SPINK5: variants seen among roughly 807,000 people sequenced by gnomAD.
SPINK5 encodes the protein serine protease inhibitor Kazal-type 5.
In SPINK5, 125 loss-of-function variants were observed where a neutral mutation model predicts 151.8. The observed-to-expected ratio is 0.82, with a 90% CI of 0.71 to 0.96. The LOEUF is 0.96. SPINK5 is among the 40% of genes least tolerant of loss of function. SPINK5 has a pLI of 0.00. For synonymous variants in SPINK5, 374 were observed against 395.3 expected, an observed-to-expected ratio of 0.95 and a Z score of 0.64; for missense variants, 1,194 against 1,291.9, an observed-to-expected ratio of 0.92 and a Z score of 1.16.
At chr5:148,099,458 A>G (rs1753573266) in intron 12 of SPINK5, 143 bp downstream of exon 12, 3 of 675,220 alleles carry the variant, frequency 4.4e-6, no homozygotes, top group Non-Finnish European at 7.7e-6. Context: ...GATGAATTAT[A>G]TGGGAAGATT....
intron 23 of SPINK5, 58 bp downstream of exon 23, chr5:148,118,622 T>C: frequency 4.4e-6 from 7 of 1,599,224 alleles, no homozygotes; most frequent in Non-Finnish European, 5.1e-6. Context: ...CTTGAATGAA[T>C]GGCTATTTCT....
intron 2 of SPINK5, among the ~76,000 whole-genome samples, chr5:148,068,234 TTAGAGA>T (rs1262041571): frequency 6.6e-6 from 1 of 151,938 alleles, no homozygotes; most frequent in Non-Finnish European, 1.5e-5. Flanking sequence ...TATAATAATC[TTAGAGA>T]TATTTAAGCA....
At chr5:148,066,986 G>A (rs761454837) in intron 2 of SPINK5, among the ~76,000 whole-genome samples, 4 of 152,046 alleles carry the variant, frequency 2.6e-5, no homozygotes, top group East Asian at 1.9e-4. Flanking sequence ...TCTTTTTTAC[G>A]ATGCTGTGAT....
chr5:148,096,908 G>A (rs1486767679), intron 10 of SPINK5, among the ~76,000 whole-genome samples: 1 of 151,478 alleles, frequency 6.6e-6, no homozygotes, highest in Non-Finnish European at 1.5e-5. Flanking sequence ...ACAGGCATGA[G>A]CCACTACACA....
rs3214448 is a variant in SPINK5, at chr5:148,099,501, CAAAA to C, written c.1092+201_1092+204del. Among the ~76,000 whole-genome samples, 1,480 of 141,682 alleles carry C rather than the reference CAAAA, an allele frequency of 0.01. 32 individuals are homozygous for C. The highest frequency in any genetic ancestry group is 0.035 in the African/African-American group (1,389 of 39,540). 92.9% of individuals were successfully genotyped at this position (141,682 alleles called of 152,430 possible). ...TCTTGCTGATTAAAAACTAACTCTG[CAAAA>C]AAAAAAAAAAAAAATTGTTTAAAAG... On this transcript the variant is annotated intron_variant, in intron 12 of 32. Transcript: ENST00000256084.
At chr5:148,124,647 G>A in intron 27 of SPINK5, 118 bp from the exon 28 acceptor site, 1 of 658,092 alleles carries the variant, frequency 1.5e-6, no homozygotes, top group Non-Finnish European at 2.3e-6. Context: ...TTTTTTTTAG[G>A]TATAAGAAAA....
chr5:148,128,377 C>T (rs1361784030), intron 30 of SPINK5, among the ~76,000 whole-genome samples: 1 of 152,122 alleles, frequency 6.6e-6, no homozygotes, highest in Non-Finnish European at 1.5e-5. Context: ...CATTCTCCCT[C>T]ATAAGCTACA....
In SPINK5 at chr5:148,101,767, C is replaced by T; in HGVS notation, c.1303-14C>T. On this transcript the variant is annotated splice_polypyrimidine_tract_variant and intron_variant, in intron 14 of 32. Coordinates refer to ENST00000256084, the MANE Select transcript of SPINK5 (RefSeq NM_006846.4). ...TATGTTCAACACTTTCAACTTCCTG[C>T]CTCAATTTCACAGGAGTTGTGTAGT... 1 of 1,613,612 alleles carries T rather than the reference C, an allele frequency of 6.2e-7. No homozygotes were observed. Among genetic ancestry groups the T allele is most frequent in the Non-Finnish European group, 8.5e-7 (1 of 1,179,650 alleles).
At position 148,120,019 on chromosome 5, in the gene SPINK5, A is replaced by T. The variant is rs1440428494; in HGVS notation, c.2324A>T (p.Asp775Val). Residue 775 changes from aspartate to valine, a missense_variant, in exon 25 of 33, where the codon GAT (aspartate) becomes GTT (valine). Transcript: ENST00000256084. ...TGSESGKDTC[D>V]EFRSQMKNGK... ...TTCCCATCTTTTCAGGATACATGTG[A>T]TGAGTTTAGAAGCCAAATGAAAAAT... 6.2e-7 allele frequency: 1 copy of T among 1,613,984 alleles called. No individual in the cohort carries two copies. The highest frequency in any genetic ancestry group is 1.1e-5 in the South Asian group (1 of 91,074).
chr5:148,123,521 G>GTGTGTATATATATATA (rs1328976077), intron 26 of SPINK5, among the ~76,000 whole-genome samples: 2 of 25,016 alleles, frequency 8.0e-5, no homozygotes, highest in African/African-American at 1.6e-4. Flanking sequence ...CAATATATGT[G>GTGTGTATATATATATA]TATATATATA....
intron 18 of SPINK5, among the ~76,000 whole-genome samples, chr5:148,110,218 T>C (rs933884570): frequency 3.3e-5 from 5 of 152,206 alleles, no homozygotes; most frequent in African/African-American, 9.6e-5. Flanking sequence ...AACAGCACAG[T>C]GTCACACATA....
At chr5:148,071,544 A>AAT (rs1752737896) in intron 3 of SPINK5, among the ~76,000 whole-genome samples, 1 of 152,134 alleles carries the variant, frequency 6.6e-6, no homozygotes, top group East Asian at 1.9e-4. Flanking sequence ...TGAAAGTATG[A>AAT]ATATAATAAA....
chr5:148,068,478 A>G (rs1752641113), intron 2 of SPINK5, among the ~76,000 whole-genome samples: 1 of 149,888 alleles, frequency 6.7e-6, no homozygotes, highest in Non-Finnish European at 1.5e-5. Context: ...TGGCTCATTC[A>G]ATGATGATCA....
rs1561703850 is a variant in SPINK5, at chr5:148,123,512, A to ATTATATATAT, written c.2539-321_2539-320insTTATATATAT. ...TGTCCAGCCTGGAGTGCAGTGGTGC[A>ATTATATATAT]ATATATGTGTATATATATATATATA... is the stretch of plus-strand genomic sequence containing the variant. On this transcript the variant is annotated intron_variant, in intron 26 of 32. Coordinates refer to ENST00000256084, the MANE Select transcript of SPINK5 (RefSeq NM_006846.4). Among the ~76,000 whole-genome samples the ATTATATATAT allele has an allele frequency of 1.7e-3, 211 of 120,924 alleles. 4 individuals carry two copies. Among genetic ancestry groups the ATTATATATAT allele is most frequent in the African/African-American group, 7.2e-3 (204 of 28,348 alleles). The allele number at this position is 120,924 out of a possible 152,430, so 79.3% of individuals were successfully genotyped here. A position where few individuals can be genotyped will look rare whatever the true frequency, so the allele number is the denominator to read the frequency against.
Position 148,127,040 on chromosome 5 carries a change from T to G in SPINK5, c.2925T>G (p.Ala975=). Reference sequence around the variant, plus strand: ...AAGAAAAGCCATCCCATGTTAGAGCTTCTCAAGAGGAAGACAGCCCAGACT... The same window carrying G: ...AAGAAAAGCCATCCCATGTTAGAGCGTCTCAAGAGGAAGACAGCCCAGACT... ...KLQEKPSHVR[A]SQEEDSPDSF... Residue 975 remains alanine, a synonymous_variant, in exon 30 of 33, where the codon GCT becomes GCG. Transcript: ENST00000256084. 1 of 1,613,866 alleles carries G rather than the reference T, an allele frequency of 6.2e-7. No homozygotes were observed. Among genetic ancestry groups the G allele is most frequent in the Non-Finnish European group, 8.5e-7 (1 of 1,179,868 alleles).
intron 26 of SPINK5, among the ~76,000 whole-genome samples, chr5:148,121,143 C>CAGAAAAAAAAAAAAAAAA (rs1554106525): frequency 1.5e-5 from 1 of 68,664 alleles, no homozygotes; most frequent in Non-Finnish European, 2.4e-5. Context: ...GACTCTGTCT[C>CAGAAAAAAAAAAAAAAAA]AAAAAAAAAA....
In SPINK5 at chr5:148,066,859, A is replaced by G. The variant is rs1752600300; in HGVS notation, c.81+1487A>G. On this transcript the variant is annotated intron_variant, in intron 2 of 32. Transcript: ENST00000256084. ...TGAAAAATATTTTAAAAACAAATTT[A>G]GTGACTTCTTATATTTGGTATTAAA... 2.0e-5 allele frequency among the ~76,000 whole-genome samples: 3 copies of G among 152,322 alleles called. No homozygotes were observed. In the South Asian group the frequency reaches 6.2e-4, roughly 32 times the overall value.
At chr5:148,095,956 G>A (rs1753447273) in intron 10 of SPINK5, 51 bp downstream of exon 10, 1 of 1,404,442 alleles carries the variant, frequency 7.1e-7, no homozygotes, top group Non-Finnish European at 1.0e-6. Flanking sequence ...GTGTGGGGGG[G>A]TGCGTGTGTG....
chr5:148,096,955 C>T (rs1163860238), intron 10 of SPINK5, among the ~76,000 whole-genome samples: 1 of 151,548 alleles, frequency 6.6e-6, no homozygotes, highest in African/African-American at 2.4e-5. Flanking sequence ...TTCTTCCCCT[C>T]AGTCCTAGGT....
Sources: allele counts gnomAD v4.1 joint callset (sites outside exome capture counted in the v4.1 genomes callset), GRCh38; gene constraint gnomAD v4.1.1; transcripts MANE v1.5; gene names NCBI Gene and HGNC (gene_info 2026-07-23, HGNC 2026-07-21).